The following GALNT13 variants were observed in gnomAD, a reference collection of about 807,000 sequenced individuals.
The protein encoded by GALNT13 is UDP-GalNAc:polypeptide N-acetylgalactosaminyltransferase 13.
GALNT13 carries 28 observed loss-of-function variants against 64.2 expected under a neutral mutation model. The ratio of observed to expected loss-of-function variants is 0.44; its 90% CI spans 0.32 to 0.60. GALNT13 has a LOEUF of 0.60. GALNT13 is among the 20% of genes least tolerant of loss of function. GALNT13 has a pLI of 0.05. For missense variants in GALNT13, 577 were observed against 669.8 expected, an observed-to-expected ratio of 0.86 and a Z score of 1.53; for synonymous variants, 214 against 224.6, an observed-to-expected ratio of 0.95 and a Z score of 0.42.
intron 9 of GALNT13, among the ~76,000 whole-genome samples, chr2:154,332,048 C>T (rs10187335): frequency 0.31 from 47,531 of 152,004 alleles, 9,375 homozygotes; most frequent in East Asian, 0.65. Context: ...TTACAGAAAA[C>T]ATTTGAAGCT....
the GALNT13 span, among the ~76,000 whole-genome samples, chr2:153,204,814 A>G: frequency 9.2e-5 from 14 of 152,274 alleles, no homozygotes; most frequent in East Asian, 2.5e-3. Context: ...ATGCTTGTAT[A>G]TGGCCCATCT....
chr2:153,906,057 A>T (rs2105303817), intron 2 of GALNT13, among the ~76,000 whole-genome samples: 1 of 152,024 alleles, frequency 6.6e-6, no homozygotes, highest in African/African-American at 2.4e-5. Context: ...TAAATTGTTT[A>T]TTTCTGGAAT....
chr2:153,733,382 G>C, the GALNT13 span, among the ~76,000 whole-genome samples: 4 of 152,030 alleles, frequency 2.6e-5, no homozygotes, highest in Non-Finnish European at 5.9e-5. Flanking sequence ...GTCTGTATTT[G>C]TTTATTCATA....
intron 3 of GALNT13, among the ~76,000 whole-genome samples, chr2:154,109,578 T>C (rs1702818681): frequency 6.6e-6 from 1 of 152,152 alleles, no homozygotes; most frequent in Non-Finnish European, 1.5e-5. Context: ...ACTTCAATTA[T>C]TCACCATTGA....
the GALNT13 span, among the ~76,000 whole-genome samples, chr2:153,686,780 T>G: frequency 5.1e-4 from 77 of 152,228 alleles, no homozygotes; most frequent in African/African-American, 1.7e-3. Flanking sequence ...TGCGAGTTTG[T>G]CATATATGGT....
At chr2:153,130,779 C>T in the GALNT13 span, among the ~76,000 whole-genome samples, 1 of 152,156 alleles carries the variant, frequency 6.6e-6, no homozygotes, top group African/African-American at 2.4e-5. Flanking sequence ...ATGTTTCCTT[C>T]TGAATCAAAC....
At chr2:154,254,345 A>T (rs756915553) in intron 7 of GALNT13, among the ~76,000 whole-genome samples, 5 of 152,198 alleles carry the variant, frequency 3.3e-5, no homozygotes, top group Non-Finnish European at 7.3e-5. Flanking sequence ...ATAAGAAGCT[A>T]GATTTATTTC....
intron 9 of GALNT13, among the ~76,000 whole-genome samples, chr2:154,343,700 C>CTG (rs1189699487): frequency 1.3e-5 from 2 of 152,016 alleles, no homozygotes; most frequent in African/African-American, 4.8e-5. Context: ...CAAATCATGG[C>CTG]TGTAACATTG....
At chr2:153,731,515 G>A in the GALNT13 span, among the ~76,000 whole-genome samples, 3 of 151,830 alleles carry the variant, frequency 2.0e-5, no homozygotes, top group African/African-American at 7.2e-5. Flanking sequence ...TAATAATAAT[G>A]TGTAGTGTCC....
chr2:153,768,568 A>G, the GALNT13 span, among the ~76,000 whole-genome samples: 3 of 152,160 alleles, frequency 2.0e-5, no homozygotes, highest in East Asian at 5.8e-4. Flanking sequence ...TGTTTTTACT[A>G]TTATTTAAAA....
At chr2:153,726,646 T>C in the GALNT13 span, among the ~76,000 whole-genome samples, 122 of 152,156 alleles carry the variant, frequency 8.0e-4, 1 homozygote, top group East Asian at 0.023. Flanking sequence ...TTTTCCTTGT[T>C]AAGAAACACG....
intron 4 of GALNT13, among the ~76,000 whole-genome samples, chr2:154,233,787 A>G (rs1374049482): frequency 6.6e-6 from 1 of 152,118 alleles, no homozygotes; most frequent in Non-Finnish European, 1.5e-5. Flanking sequence ...GAGTGGAGAA[A>G]GTGGTCGGGG....
At chr2:153,823,513 T>C in the GALNT13 span, among the ~76,000 whole-genome samples, 1 of 152,162 alleles carries the variant, frequency 6.6e-6, no homozygotes, top group African/African-American at 2.4e-5. Context: ...AAGCAAACAA[T>C]GGGGAAAGGA....
At chr2:153,645,188 A>G in the GALNT13 span, among the ~76,000 whole-genome samples, 11 of 152,168 alleles carry the variant, frequency 7.2e-5, no homozygotes, top group Non-Finnish European at 1.3e-4. Flanking sequence ...GCTTCATGGC[A>G]TAATGCGCTC....
chr2:153,229,636 C>T, the GALNT13 span, among the ~76,000 whole-genome samples: 1 of 152,142 alleles, frequency 6.6e-6, no homozygotes, highest in African/African-American at 2.4e-5. Flanking sequence ...TTCTAGACTG[C>T]TATATACTTT....
the GALNT13 span, among the ~76,000 whole-genome samples, chr2:153,483,492 C>A: frequency 5.3e-5 from 8 of 150,294 alleles, no homozygotes; most frequent in African/African-American, 2.0e-4. Flanking sequence ...TCTCAGCTCA[C>A]CGCAACCTCT....
intron 4 of GALNT13, among the ~76,000 whole-genome samples, chr2:154,206,357 A>T (rs938444994): frequency 2.5e-4 from 38 of 151,752 alleles, no homozygotes; most frequent in South Asian, 2.1e-4. Flanking sequence ...ATATATATAG[A>T]GAGAGAGATA....
At chr2:153,351,204 T>C in the GALNT13 span, among the ~76,000 whole-genome samples, 36,006 of 151,914 alleles carry the variant, frequency 0.24, 4,939 homozygotes, top group African/African-American at 0.38. Context: ...CTAAGTAGCA[T>C]GTATGTTTTT....
At chr2:154,411,553 T>G (rs1488595634) in intron 11 of GALNT13, among the ~76,000 whole-genome samples, 1 of 151,782 alleles carries the variant, frequency 6.6e-6, no homozygotes, top group Non-Finnish European at 1.5e-5. Context: ...CAACTTATTT[T>G]CAATAATCTC....
Sources: gnomAD v4.1 joint callset for allele counts (sites outside exome capture counted in the v4.1 genomes callset) on GRCh38, gnomAD v4.1.1 for gene constraint, MANE v1.5 for transcripts, NCBI Gene and HGNC (gene_info 2026-07-23, HGNC 2026-07-21) for gene names.